SSBP3: variants seen among roughly 807,000 people sequenced by gnomAD.
SSBP3 encodes the protein single-stranded DNA-binding protein 3.
SSBP3 carries 5 observed loss-of-function variants against 69.6 expected under a neutral mutation model. That is an observed-to-expected ratio of 0.07 (90% confidence interval 0.04 to 0.15). The LOEUF (loss-of-function observed/expected upper bound fraction) is 0.15. Ranked by LOEUF, SSBP3 falls within the 10% of genes least tolerant of loss-of-function variation. The pLI, the probability that SSBP3 is intolerant of heterozygous loss-of-function variation, is 1.00. For synonymous variants in SSBP3, 196 were observed against 193.4 expected (o/e 1.01, Z -0.11); for missense variants, 312 against 534.0 (o/e 0.58, Z 4.10).
At chr1:54,233,600 C>A (rs1481394868) in intron 14 of SSBP3, among the ~76,000 whole-genome samples, 1 of 148,050 alleles carries the variant, frequency 6.8e-6, no homozygotes, top group African/African-American at 2.5e-5. Flanking sequence ...GGGGTCAGCC[C>A]CCTGCCCGGC....
chr1:54,311,057 C>T (rs1349542430), intron 4 of SSBP3, among the ~76,000 whole-genome samples: 2 of 152,164 alleles, frequency 1.3e-5, no homozygotes, highest in South Asian at 2.1e-4. Context: ...GGGTCTATTT[C>T]GCGGACCCTA....
chr1:54,379,888 G>A (rs977478195), intron 4 of SSBP3, among the ~76,000 whole-genome samples: 8 of 152,150 alleles, frequency 5.3e-5, no homozygotes, highest in East Asian at 1.9e-4. Flanking sequence ...CTTCCCACCC[G>A]CCGTTCTAAA....
At chr1:54,304,108 T>TAC (rs1346978718) in intron 4 of SSBP3, among the ~76,000 whole-genome samples, 3 of 151,986 alleles carry the variant, frequency 2.0e-5, no homozygotes, top group African/African-American at 7.2e-5. Flanking sequence ...GCAAAGGGGG[T>TAC]ACTCCTGAGC....
intron 5 of SSBP3, among the ~76,000 whole-genome samples, chr1:54,264,306 G>A (rs1036597525): frequency 6.6e-6 from 1 of 152,080 alleles, no homozygotes; most frequent in Admixed American, 6.5e-5. Context: ...CTAAAAAAAC[G>A]AAACAAAACA....
chr1:54,241,346 T>G, intron 12 of SSBP3, 128 bp downstream of exon 12: 2 of 1,075,710 alleles, frequency 1.9e-6, no homozygotes, highest in Non-Finnish European at 2.9e-6. Flanking sequence ...GACAGCAAGT[T>G]CTAGCAGTTT....
chr1:54,311,033 A>G (rs907125800), intron 4 of SSBP3, among the ~76,000 whole-genome samples: 1 of 152,332 alleles, frequency 6.6e-6, no homozygotes, highest in South Asian at 2.1e-4. Context: ...ATGTCTTCCA[A>G]GCCACACATG....
intron 4 of SSBP3, among the ~76,000 whole-genome samples, chr1:54,358,295 C>A (rs1314029968): frequency 1.3e-5 from 2 of 152,212 alleles, no homozygotes; most frequent in Non-Finnish European, 2.9e-5. Flanking sequence ...ACCTTGTGTG[C>A]AACAGACCCT....
At chr1:54,319,647 G>A (rs1646177584) in intron 4 of SSBP3, among the ~76,000 whole-genome samples, 1 of 151,844 alleles carries the variant, frequency 6.6e-6, no homozygotes, top group African/African-American at 2.4e-5. Flanking sequence ...GACCCTCCCT[G>A]AATTTGTTAA....
intron 4 of SSBP3, among the ~76,000 whole-genome samples, chr1:54,332,363 GC>G (rs1646432134): frequency 6.6e-6 from 1 of 152,206 alleles, no homozygotes; most frequent in Admixed American, 6.5e-5. Context: ...GCAGGGAGCT[GC>G]TGGGAGGGGT....
Position 54,281,390 on chromosome 1 carries a change from G to C in SSBP3, c.366+48C>G, listed in dbSNP as rs777904887. 5 of 1,481,356 alleles carry C rather than the reference G, an allele frequency of 3.4e-6. No individual in the cohort carries two copies. The South Asian group carries it at 6.5e-5, about 19-fold the overall frequency. The allele number at this position is 1,481,356 out of a possible 1,614,324, so 91.8% of individuals were successfully genotyped here. On this transcript the variant is annotated intron_variant, in intron 5 of 17. Transcript: ENST00000610401. ...CGCCCTCCCACCTGCCCAGGGCCTC[G>C]GCCTGGAATACAAGGTGGAGCACAA...
intron 4 of SSBP3, among the ~76,000 whole-genome samples, chr1:54,284,103 C>CT (rs5774181): frequency 0.023 from 1,995 of 87,558 alleles, 102 homozygotes; most frequent in Non-Finnish European, 0.029. Context: ...TATTTAACCA[C>CT]TTTTTTTTTT....
At chr1:54,382,837 T>C (rs889360479) in intron 4 of SSBP3, among the ~76,000 whole-genome samples, 1 of 151,736 alleles carries the variant, frequency 6.6e-6, no homozygotes, top group African/African-American at 2.4e-5. Flanking sequence ...AATACAAAAT[T>C]AGCTGGGCAT....
At chr1:54,233,365 G>C (rs1258508862) in intron 14 of SSBP3, among the ~76,000 whole-genome samples, 1 of 150,666 alleles carries the variant, frequency 6.6e-6, no homozygotes, top group Non-Finnish European at 1.5e-5. Flanking sequence ...TCTGAGAAGT[G>C]AGGAGCCCCT....
chr1:54,358,209 T>C (rs966717395), intron 4 of SSBP3, among the ~76,000 whole-genome samples: 4 of 152,220 alleles, frequency 2.6e-5, no homozygotes, highest in Non-Finnish European at 5.9e-5. Context: ...AAATGAAGAC[T>C]AACACGCCTG....
chr1:54,369,958 C>G (rs998663632), intron 4 of SSBP3, among the ~76,000 whole-genome samples: 4 of 152,094 alleles, frequency 2.6e-5, no homozygotes, highest in Non-Finnish European at 5.9e-5. Flanking sequence ...TTGCAACATC[C>G]CAAGAGAAAT....
intron 4 of SSBP3, among the ~76,000 whole-genome samples, chr1:54,313,838 C>A (rs7548124): frequency 0.033 from 4,998 of 152,034 alleles, 202 homozygotes; most frequent in East Asian, 0.17. Flanking sequence ...GGGATCTCAG[C>A]TCACTGCAAC....
intron 4 of SSBP3, among the ~76,000 whole-genome samples, chr1:54,388,867 C>T (rs1024096591): frequency 2.0e-5 from 3 of 152,222 alleles, no homozygotes; most frequent in Admixed American, 2.0e-4. Context: ...TTCTAACCTT[C>T]CTCAGTCCTG....
intron 5 of SSBP3, among the ~76,000 whole-genome samples, chr1:54,264,279 G>A: frequency 6.6e-6 from 1 of 152,164 alleles, no homozygotes; most frequent in East Asian, 1.9e-4. Flanking sequence ...TCTAGCCTGG[G>A]TGACGGTGAG....
chr1:54,266,887 A>C (rs1645111786), intron 5 of SSBP3, among the ~76,000 whole-genome samples: 1 of 152,202 alleles, frequency 6.6e-6, no homozygotes. Flanking sequence ...ATAGTGCATC[A>C]TCGGAACACA....
Sources: gnomAD v4.1 joint callset for allele counts (sites outside exome capture counted in the v4.1 genomes callset) on GRCh38, gnomAD v4.1.1 for gene constraint, MANE v1.5 for transcripts, NCBI Gene and HGNC (gene_info 2026-07-23, HGNC 2026-07-21) for gene names.